Variants in GPHN observed in about 807,000 individuals in gnomAD.
The protein encoded by GPHN is gephyrin.
A neutral mutation model predicts 95.5 loss-of-function variants in GPHN; 17 were observed. The ratio of observed to expected loss-of-function variants is 0.18; its 90% CI spans 0.12 to 0.27. GPHN has a LOEUF of 0.27. Ranked by LOEUF, GPHN falls within the 10% of genes least tolerant of loss-of-function variation. The pLI is 1.00. For synonymous variants in GPHN, 320 were observed against 322.5 expected (o/e 0.99, Z 0.08); for missense variants, 660 against 978.1 (o/e 0.67, Z 4.34).
the GPHN span, among the ~76,000 whole-genome samples, chr14:67,704,138 T>C: frequency 1.3e-5 from 2 of 152,166 alleles, no homozygotes; most frequent in African/African-American, 4.8e-5. Context: ...TTTCCCCCTT[T>C]TGAGGGAAGG....
the GPHN span, among the ~76,000 whole-genome samples, chr14:67,633,389 A>G: frequency 2.1e-4 from 32 of 152,274 alleles, no homozygotes; most frequent in Admixed American, 1.0e-3. Flanking sequence ...ATACTTCATC[A>G]GAGGTGACAT....
chr14:66,554,498 T>C (rs1416908106), intron 1 of GPHN, among the ~76,000 whole-genome samples: 1 of 152,154 alleles, frequency 6.6e-6, no homozygotes, highest in Non-Finnish European at 1.5e-5. Flanking sequence ...GCAAGGACCT[T>C]CTTCACATGG....
chr14:67,667,497 G>A, the GPHN span, among the ~76,000 whole-genome samples: 1 of 152,092 alleles, frequency 6.6e-6, no homozygotes. Flanking sequence ...ACCTTGTAAG[G>A]GTTGTTTGAA....
At chr14:66,592,758 A>G (rs11922953) in intron 1 of GPHN, among the ~76,000 whole-genome samples, 1 of 152,226 alleles carries the variant, frequency 6.6e-6, no homozygotes, top group Non-Finnish European at 1.5e-5. Flanking sequence ...TCAAGGATCT[A>G]GAACCAGAAA....
intron 1 of GPHN, among the ~76,000 whole-genome samples, chr14:66,612,165 G>A (rs888189652): frequency 2.6e-5 from 4 of 151,920 alleles, no homozygotes; most frequent in African/African-American, 9.6e-5. Flanking sequence ...TCTACCAAAT[G>A]AGCCCAATTG....
At chr14:66,629,570 C>T (rs376948307) in intron 1 of GPHN, among the ~76,000 whole-genome samples, 1 of 152,124 alleles carries the variant, frequency 6.6e-6, no homozygotes, top group East Asian at 1.9e-4. Flanking sequence ...ATAGTAAATG[C>T]AAAAACCAGT....
the GPHN span, chr14:67,562,469 G>C: frequency 6.8e-6 from 11 of 1,613,644 alleles, no homozygotes; most frequent in African/African-American, 2.7e-5. Flanking sequence ...ATGTAGTTCA[G>C]CTTCCTGGGG....
the GPHN span, among the ~76,000 whole-genome samples, chr14:67,261,196 A>G: frequency 6.6e-6 from 1 of 152,174 alleles, no homozygotes; most frequent in Non-Finnish European, 1.5e-5. Flanking sequence ...GAAAAGGGAC[A>G]CTGTTGTGGT....
the GPHN span, among the ~76,000 whole-genome samples, chr14:67,496,392 T>TTTTTTG: frequency 6.0e-5 from 2 of 33,098 alleles, no homozygotes; most frequent in African/African-American, 1.6e-4. Flanking sequence ...TGCTCCGGCG[T>TTTTTTG]TTTTTTTTTT....
intron 16 of GPHN, among the ~76,000 whole-genome samples, chr14:67,119,711 A>G (rs2078899668): frequency 6.6e-6 from 1 of 152,058 alleles, no homozygotes; most frequent in South Asian, 2.1e-4. Flanking sequence ...ACTCGCTTGA[A>G]CCCACGAGGC....
intron 5 of GPHN, among the ~76,000 whole-genome samples, chr14:66,886,638 AAAAG>A (rs1280475911): frequency 6.6e-6 from 1 of 152,200 alleles, no homozygotes; most frequent in Non-Finnish European, 1.5e-5. Flanking sequence ...GCAGGCAGAA[AAAAG>A]AATCAGCAAA....
At chr14:67,295,392 A>G in the GPHN span, among the ~76,000 whole-genome samples, 1 of 151,794 alleles carries the variant, frequency 6.6e-6, no homozygotes, top group Non-Finnish European at 1.5e-5. Flanking sequence ...TGGGAGGCTG[A>G]GGCAGGAGAA....
chr14:67,561,339 C>T, the GPHN span, among the ~76,000 whole-genome samples: 5 of 152,164 alleles, frequency 3.3e-5, no homozygotes, highest in Admixed American at 2.0e-4. Context: ...TTGCTCGACA[C>T]TAGGAGTTTG....
chr14:66,952,311 C>G (rs2068157952), intron 8 of GPHN, among the ~76,000 whole-genome samples: 1 of 152,224 alleles, frequency 6.6e-6, no homozygotes, highest in Non-Finnish European at 1.5e-5. Flanking sequence ...TGTCTAGCTT[C>G]TATCACTAAA....
chr14:66,594,463 G>T (rs1202617889), intron 1 of GPHN, among the ~76,000 whole-genome samples: 1 of 152,086 alleles, frequency 6.6e-6, no homozygotes, highest in East Asian at 1.9e-4. Flanking sequence ...TGGCATAAAA[G>T]CAGACACACA....
the GPHN span, among the ~76,000 whole-genome samples, chr14:67,718,573 C>T: frequency 3.9e-5 from 6 of 152,318 alleles, no homozygotes; most frequent in Admixed American, 6.5e-5. Flanking sequence ...GATTCACTCA[C>T]GGTGAGGCTA....
At chr14:67,558,871 G>A in the GPHN span, among the ~76,000 whole-genome samples, 1 of 152,238 alleles carries the variant, frequency 6.6e-6, no homozygotes. Context: ...TTGTAACATG[G>A]AAGCAGCCAC....
chr14:66,802,258 A>T (rs999081906), intron 3 of GPHN, among the ~76,000 whole-genome samples: 1 of 152,174 alleles, frequency 6.6e-6, no homozygotes, highest in Non-Finnish European at 1.5e-5. Flanking sequence ...TCTCAGGCTT[A>T]TGGCGAGTAC....
chr14:67,117,487 A>C (rs1001936661), intron 16 of GPHN, among the ~76,000 whole-genome samples: 8 of 152,284 alleles, frequency 5.3e-5, no homozygotes, highest in African/African-American at 1.7e-4. Flanking sequence ...CTGGTCATTC[A>C]AAAGGGAAAA....
Sources: allele counts gnomAD v4.1 joint callset (sites outside exome capture counted in the v4.1 genomes callset), GRCh38; gene constraint gnomAD v4.1.1; transcripts MANE v1.5; gene names NCBI Gene and HGNC (gene_info 2026-07-23, HGNC 2026-07-21).